The following ARHGAP15 variants were observed in gnomAD, a reference collection of about 807,000 sequenced individuals.
The protein encoded by ARHGAP15 is Rho GTPase activating protein 15, also known as rho GTPase-activating protein 15.
In ARHGAP15, 51 loss-of-function variants were observed where a neutral mutation model predicts 63.7. That is an observed-to-expected ratio of 0.80 (90% CI 0.64 to 1.01). The LOEUF (loss-of-function observed/expected upper bound fraction) is 1.01, where lower values mean the gene tolerates loss of function less well. Ranked by LOEUF, ARHGAP15 falls within the 50% of genes least tolerant of loss-of-function variation. The probability of loss-of-function intolerance (pLI) is 0.00; values close to 1 mark genes in which losing one functional copy is unlikely to be tolerated. For synonymous variants in ARHGAP15, 191 were observed against 193.8 expected, an observed-to-expected ratio of 0.99 and a Z score of 0.12; for missense variants, 560 against 564.6, an observed-to-expected ratio of 0.99 and a Z score of 0.08.
Position 143,602,596 on chromosome 2 carries a change from T to A in ARHGAP15, c.1004-21537T>A, listed in dbSNP as rs565268434. 5.9e-5 allele frequency among the ~76,000 whole-genome samples: 9 copies of A among 151,698 alleles called. 1 individual carries two copies. The South Asian group carries it at 1.5e-3, about 25-fold the overall frequency. ...GTAGAGATTCCATGAAAGAAAAGAA[T>A]GTGAATACATGCTTTGGAGATAAGA... On this transcript the variant is annotated intron_variant, in intron 11 of 13. Transcript: ENST00000295095.
rs1210889844 is a variant in ARHGAP15 at position 143,556,553 on chromosome 2, C to CTGT, written c.1003+69_1003+71dup. The CTGT allele has an allele frequency of 2.2e-5, 23 of 1,030,370 alleles. No individual in the cohort carries two copies. The African/African-American group carries it at 3.6e-4, about 16-fold the overall frequency. The allele number at this position is 1,030,370 out of a possible 1,614,324, so 63.8% of individuals were successfully genotyped here. ...ATGGAACAATATTTCATACACTGTG[C>CTGT]TGTATGTACTGTGAATAATAATAAA... On this transcript the variant is annotated intron_variant, in intron 11 of 13. Transcript: ENST00000295095.
intron 12 of ARHGAP15, among the ~76,000 whole-genome samples, chr2:143,650,107 A>T (rs892179316): frequency 6.6e-6 from 1 of 151,880 alleles, no homozygotes; most frequent in African/African-American, 2.4e-5. Flanking sequence ...CCCTGGGGAA[A>T]AAAATGATAA....
chr2:143,165,059 A>C (rs565100004), intron 2 of ARHGAP15, among the ~76,000 whole-genome samples: 9 of 152,180 alleles, frequency 5.9e-5, no homozygotes, highest in African/African-American at 2.2e-4. Flanking sequence ...CCAAATGATT[A>C]ATCATTATTC....
chr2:143,259,782 C>T (rs1388761573), intron 6 of ARHGAP15, among the ~76,000 whole-genome samples: 1 of 151,986 alleles, frequency 6.6e-6, no homozygotes, highest in Non-Finnish European at 1.5e-5. Context: ...TATCTTTTGT[C>T]CTGAATGTGA....
chr2:143,297,574 C>T (rs1217947495), intron 6 of ARHGAP15, among the ~76,000 whole-genome samples: 1 of 151,944 alleles, frequency 6.6e-6, no homozygotes, highest in Non-Finnish European at 1.5e-5. Flanking sequence ...TCAGGTGACA[C>T]TGGTGATCTT....
chr2:143,246,487 A>G (rs1694049492), intron 5 of ARHGAP15, among the ~76,000 whole-genome samples: 1 of 151,992 alleles, frequency 6.6e-6, no homozygotes, highest in Non-Finnish European at 1.5e-5. Flanking sequence ...GAGGAAGAAG[A>G]GAAAGTGACT....
At chr2:143,688,511 G>T (rs1683451660) in intron 12 of ARHGAP15, among the ~76,000 whole-genome samples, 1 of 152,106 alleles carries the variant, frequency 6.6e-6, no homozygotes, top group African/African-American at 2.4e-5. Flanking sequence ...AGTAATCCAA[G>T]GAGGCCTTTG....
chr2:143,137,006 T>C (rs1689170775), intron 1 of ARHGAP15, among the ~76,000 whole-genome samples: 1 of 152,096 alleles, frequency 6.6e-6, no homozygotes, highest in Non-Finnish European at 1.5e-5. Context: ...CAATAGTCAT[T>C]GTCCAAGGAG....
At chr2:143,596,632 T>C (rs1697529191) in intron 11 of ARHGAP15, among the ~76,000 whole-genome samples, 1 of 152,154 alleles carries the variant, frequency 6.6e-6, no homozygotes. Context: ...TTTATATATA[T>C]TTATTTATAA....
intron 6 of ARHGAP15, among the ~76,000 whole-genome samples, chr2:143,434,748 C>T (rs867113121): frequency 6.6e-6 from 1 of 152,092 alleles, no homozygotes; most frequent in African/African-American, 2.4e-5. Flanking sequence ...GATTGATGGC[C>T]AAATACAAAA....
intron 9 of ARHGAP15, among the ~76,000 whole-genome samples, chr2:143,502,955 G>A (rs1693136632): frequency 6.6e-6 from 1 of 152,134 alleles, no homozygotes; most frequent in South Asian, 2.1e-4. Context: ...TTGAGCTTCA[G>A]TTTCATTTAC....
intron 6 of ARHGAP15, among the ~76,000 whole-genome samples, chr2:143,416,192 G>A (rs1688671356): frequency 6.7e-6 from 1 of 148,976 alleles, no homozygotes; most frequent in Admixed American, 6.7e-5. Context: ...CGTGACACAT[G>A]TTTACCTATG....
intron 10 of ARHGAP15, among the ~76,000 whole-genome samples, chr2:143,544,858 G>C (rs1695259708): frequency 6.6e-6 from 1 of 152,302 alleles, no homozygotes; most frequent in South Asian, 2.1e-4. Flanking sequence ...TGGAGCAGAA[G>C]TATTAGTAAT....
intron 11 of ARHGAP15, among the ~76,000 whole-genome samples, chr2:143,580,230 G>T (rs1474959286): frequency 6.6e-6 from 1 of 151,840 alleles, no homozygotes; most frequent in Admixed American, 6.6e-5. Context: ...TATTTAATAT[G>T]TCAATTTTTT....
intron 13 of ARHGAP15, among the ~76,000 whole-genome samples, chr2:143,711,822 A>C (rs2105442318): frequency 6.6e-6 from 1 of 152,292 alleles, no homozygotes; most frequent in Non-Finnish European, 1.5e-5. Context: ...CCAGCTACTC[A>C]AGTGGCTGAG....
At chr2:143,311,515 C>T (rs1362380710) in intron 6 of ARHGAP15, among the ~76,000 whole-genome samples, 8 of 152,042 alleles carry the variant, frequency 5.3e-5, no homozygotes, top group Non-Finnish European at 1.0e-4. Flanking sequence ...GAACATGCTG[C>T]ATATCTTTAA....
intron 8 of ARHGAP15, among the ~76,000 whole-genome samples, chr2:143,461,074 C>A (rs1690908982): frequency 6.6e-6 from 1 of 151,694 alleles, no homozygotes; most frequent in Non-Finnish European, 1.5e-5. Context: ...TGGATCGCCT[C>A]GGGTCAGGAG....
chr2:143,719,821 C>A (rs554633550), intron 13 of ARHGAP15, among the ~76,000 whole-genome samples: 1 of 152,278 alleles, frequency 6.6e-6, no homozygotes, highest in South Asian at 2.1e-4. Context: ...ATAACCAATT[C>A]CTGGAGTGGC....
At chr2:143,338,660 TTTTC>T (rs1378803861) in intron 6 of ARHGAP15, among the ~76,000 whole-genome samples, 1 of 152,094 alleles carries the variant, frequency 6.6e-6, no homozygotes, top group East Asian at 1.9e-4. Flanking sequence ...TTAAGTAGCT[TTTTC>T]TTGCAAACTC....
Sources: allele counts gnomAD v4.1 joint callset (sites outside exome capture counted in the v4.1 genomes callset), GRCh38; gene constraint gnomAD v4.1.1; transcripts MANE v1.5; gene names NCBI Gene and HGNC (gene_info 2026-07-23, HGNC 2026-07-21).